WWOX: variants seen among roughly 807,000 people sequenced by gnomAD.
The protein encoded by WWOX is WW domain containing oxidoreductase.
Under a neutral mutation model 46.2 loss-of-function variants are expected in WWOX, and 69 were observed. The ratio of observed to expected loss-of-function variants is 1.49; its 90% CI spans 1.23 to 1.82. The LOEUF is 1.82. WWOX is among the 40% of genes most tolerant of loss of function. WWOX has a pLI of 0.00. For synonymous variants in WWOX, 359 were observed against 202.6 expected (o/e 1.77, Z -6.56); for missense variants, 919 against 542.6 (o/e 1.69, Z -6.89).
intron 8 of WWOX, among the ~76,000 whole-genome samples, chr16:79,076,515 C>T (rs1258636133): frequency 6.6e-6 from 1 of 152,186 alleles, no homozygotes; most frequent in Non-Finnish European, 1.5e-5. Flanking sequence ...TCCTCCGTGC[C>T]AGCCCCCGCT....
At chr16:78,454,592 G>A (rs530831974) in intron 8 of WWOX, among the ~76,000 whole-genome samples, 7 of 152,192 alleles carry the variant, frequency 4.6e-5, no homozygotes, top group Admixed American at 2.0e-4. Context: ...CCCAAGCTCC[G>A]CTTCCCAGGA....
At chr16:78,695,300 TC>T (rs1302942339) in intron 8 of WWOX, among the ~76,000 whole-genome samples, 1 of 152,070 alleles carries the variant, frequency 6.6e-6, no homozygotes. Flanking sequence ...CAAAGCAGCT[TC>T]CCCCCACTTT....
intron 8 of WWOX, among the ~76,000 whole-genome samples, chr16:78,877,763 A>G (rs2044263629): frequency 6.6e-6 from 1 of 152,204 alleles, no homozygotes; most frequent in Admixed American, 6.5e-5. Flanking sequence ...CGTGGAAGAC[A>G]ATATTTATTG....
chr16:79,128,863 A>G (rs544358486), intron 8 of WWOX, among the ~76,000 whole-genome samples: 180 of 152,286 alleles, frequency 1.2e-3, no homozygotes, highest in Middle Eastern at 3.4e-3. Context: ...GTTGTGATTC[A>G]GTTGCCCAAG....
chr16:78,871,990 G>T (rs529060395), intron 8 of WWOX, among the ~76,000 whole-genome samples: 1 of 152,276 alleles, frequency 6.6e-6, no homozygotes, highest in East Asian at 1.9e-4. Flanking sequence ...GACCCTCTCA[G>T]ATGCCACTCA....
At chr16:78,480,459 A>C (rs2084459269) in intron 8 of WWOX, among the ~76,000 whole-genome samples, 3 of 152,236 alleles carry the variant, frequency 2.0e-5, no homozygotes, top group African/African-American at 7.2e-5. Context: ...ATATATTTAC[A>C]TGTACTGTCC....
intron 8 of WWOX, among the ~76,000 whole-genome samples, chr16:78,577,136 AG>A (rs2044902152): frequency 6.6e-6 from 1 of 152,188 alleles, no homozygotes; most frequent in South Asian, 2.1e-4. Flanking sequence ...AGTGTCTCAT[AG>A]GGTTGGGCTG....
intron 8 of WWOX, among the ~76,000 whole-genome samples, chr16:78,746,555 A>G (rs1416526962): frequency 1.3e-5 from 2 of 151,966 alleles, no homozygotes; most frequent in Non-Finnish European, 2.9e-5. Context: ...GAGCAGTGAA[A>G]TGAACTTTCT....
At chr16:78,623,554 C>T (rs1366343463) in intron 8 of WWOX, among the ~76,000 whole-genome samples, 4 of 151,984 alleles carry the variant, frequency 2.6e-5, no homozygotes, top group Non-Finnish European at 5.9e-5. Context: ...GTGGCGCATG[C>T]TTGTAGTCCC....
chr16:78,282,113 C>T (rs894759922), intron 5 of WWOX, among the ~76,000 whole-genome samples: 3 of 152,146 alleles, frequency 2.0e-5, no homozygotes, highest in African/African-American at 7.2e-5. Flanking sequence ...CCGGATGATG[C>T]GGTTCTCTGC....
Position 79,076,596 on chromosome 16 carries a change from C to A in WWOX, c.1057-135012C>A, listed in dbSNP as rs148815693. ...GGACCTCAGCCTATCCAGGCCCCTT[C>A]ATGACCCAGTCACAGTGATTCTATC... On this transcript the variant is annotated intron_variant, in intron 8 of 8. Coordinates refer to ENST00000566780, the MANE Select transcript of WWOX (RefSeq NM_016373.4). Among the ~76,000 whole-genome samples the A allele has an allele frequency of 7.1e-3, 1,079 of 152,312 alleles. 9 individuals are homozygous for A. Among genetic ancestry groups the A allele is most frequent in the Non-Finnish European group, 0.013 (852 of 68,040 alleles).
At chr16:78,829,541 G>T (rs540419263) in intron 8 of WWOX, among the ~76,000 whole-genome samples, 2 of 152,244 alleles carry the variant, frequency 1.3e-5, no homozygotes, top group Non-Finnish European at 2.9e-5. Flanking sequence ...GCCCAGTCAA[G>T]TTGACACCTA....
intron 5 of WWOX, among the ~76,000 whole-genome samples, chr16:78,365,734 T>C (rs1434218323): frequency 6.6e-6 from 1 of 152,116 alleles, no homozygotes; most frequent in South Asian, 2.1e-4. Context: ...AATCTCCTTA[T>C]TTCTTGTTTT....
At chr16:78,101,573 G>A (rs1430154660) in intron 1 of WWOX, among the ~76,000 whole-genome samples, 1 of 151,890 alleles carries the variant, frequency 6.6e-6, no homozygotes, top group Non-Finnish European at 1.5e-5. Flanking sequence ...CGCCCACCTC[G>A]GCCCCCCAAA....
At chr16:79,012,569 A>G (rs894040635) in intron 8 of WWOX, among the ~76,000 whole-genome samples, 2 of 152,140 alleles carry the variant, frequency 1.3e-5, no homozygotes, top group African/African-American at 4.8e-5. Flanking sequence ...CATTGTGATC[A>G]ATTTGAAGAT....
intron 8 of WWOX, among the ~76,000 whole-genome samples, chr16:78,945,003 A>AC (rs1167800819): frequency 1.9e-4 from 29 of 152,182 alleles, no homozygotes; most frequent in Non-Finnish European, 2.9e-5. Context: ...ACATGGTGAA[A>AC]CCCCATCTCT....
At chr16:79,137,003 C>T (rs1364893622) in intron 8 of WWOX, among the ~76,000 whole-genome samples, 2 of 152,164 alleles carry the variant, frequency 1.3e-5, no homozygotes, top group African/African-American at 2.4e-5. Context: ...GAAAAGACAA[C>T]TGAGAGGAGG....
chr16:78,870,386 C>T (rs963771745), intron 8 of WWOX, among the ~76,000 whole-genome samples: 1 of 152,062 alleles, frequency 6.6e-6, no homozygotes, highest in African/African-American at 2.4e-5. Context: ...CCTGACCTTC[C>T]CATTTTGTAG....
chr16:78,538,213 C>G (rs543239719), intron 8 of WWOX, among the ~76,000 whole-genome samples: 6 of 104,106 alleles, frequency 5.8e-5, no homozygotes, highest in Admixed American at 4.9e-4. Context: ...AGCTATCACT[C>G]ACACCAAAAA....
Sources: gnomAD v4.1 joint callset for allele counts (sites outside exome capture counted in the v4.1 genomes callset) on GRCh38, gnomAD v4.1.1 for gene constraint, MANE v1.5 for transcripts, NCBI Gene and HGNC (gene_info 2026-07-23, HGNC 2026-07-21) for gene names.